The following LOC400499 variants were observed in gnomAD, a reference collection of about 807,000 sequenced individuals.
the LOC400499 span, chr16:11,487,170 G>C: frequency 5.0e-6 from 2 of 398,280 alleles, no homozygotes; most frequent in Non-Finnish European, 8.8e-6. Context: ...GGAGGCAAGG[G>C]ATGGATGGAC....
chr16:11,453,551 AC>A, the LOC400499 span, among the ~76,000 whole-genome samples: 1 of 152,218 alleles, frequency 6.6e-6, no homozygotes, highest in Non-Finnish European at 1.5e-5. Flanking sequence ...AACAACAACA[AC>A]AAAAAAGAGC....
At chr16:11,462,518 C>G in the LOC400499 span, 1 of 788,240 alleles carries the variant, frequency 1.3e-6, no homozygotes. Flanking sequence ...CAACCTCCAC[C>G]TCCTGGGTTC....
At chr16:11,425,247 GCC>G in the LOC400499 span, 2 of 398,906 alleles carry the variant, frequency 5.0e-6, no homozygotes, top group Non-Finnish European at 8.8e-6. Flanking sequence ...GCTGGCCTGG[GCC>G]CTCAGGTTCC....
chr16:11,399,034 C>T, the LOC400499 span, among the ~76,000 whole-genome samples: 3 of 152,150 alleles, frequency 2.0e-5, no homozygotes, highest in African/African-American at 7.2e-5. Flanking sequence ...AAGGGGCTTC[C>T]AGGGCCAGCT....
the LOC400499 span, chr16:11,393,704 G>A: frequency 1.0e-5 from 6 of 586,112 alleles, no homozygotes; most frequent in African/African-American, 1.9e-5. Context: ...CAATGCCCAC[G>A]CCCGATCTCC....
At chr16:11,490,191 T>C in the LOC400499 span, among the ~76,000 whole-genome samples, 3 of 150,174 alleles carry the variant, frequency 2.0e-5, no homozygotes, top group African/African-American at 7.4e-5. Context: ...AGGTCAGGAG[T>C]TCGAGACCAG....
the LOC400499 span, among the ~76,000 whole-genome samples, chr16:11,466,736 G>C: frequency 6.6e-6 from 1 of 152,092 alleles, no homozygotes; most frequent in Non-Finnish European, 1.5e-5. Context: ...CCATATGGGA[G>C]AGTCAGTTCT....
the LOC400499 span, chr16:11,383,943 G>A: frequency 5.8e-4 from 714 of 1,231,928 alleles, 4 homozygotes; most frequent in South Asian, 7.2e-3. Context: ...CCCAGCAGGC[G>A]GGGAGCTGTC....
chr16:11,390,879 G>A, the LOC400499 span, among the ~76,000 whole-genome samples: 71 of 152,322 alleles, frequency 4.7e-4, no homozygotes, highest in Non-Finnish European at 8.2e-4. Flanking sequence ...TCTCCCAGGA[G>A]CTGCTCTGGT....
At chr16:11,482,655 C>G in the LOC400499 span, among the ~76,000 whole-genome samples, 1 of 152,076 alleles carries the variant, frequency 6.6e-6, no homozygotes, top group African/African-American at 2.4e-5. Flanking sequence ...CTTTGGGAGG[C>G]TGAGGCAGGA....
chr16:11,388,186 C>T, the LOC400499 span, among the ~76,000 whole-genome samples: 5 of 152,108 alleles, frequency 3.3e-5, no homozygotes, highest in African/African-American at 1.2e-4. Context: ...CTCTCTGCCA[C>T]CTGAATCCAT....
chr16:11,498,815 T>C, the LOC400499 span, among the ~76,000 whole-genome samples: 2 of 151,604 alleles, frequency 1.3e-5, no homozygotes, highest in Non-Finnish European at 2.9e-5. Flanking sequence ...CCCAGACTAA[T>C]GGCAACAGCC....
chr16:11,377,507 T>C, the LOC400499 span, among the ~76,000 whole-genome samples: 1 of 152,266 alleles, frequency 6.6e-6, no homozygotes, highest in African/African-American at 2.4e-5. Context: ...TCTGTATGTT[T>C]TTAATCACGA....
At chr16:11,412,654 G>A in the LOC400499 span, among the ~76,000 whole-genome samples, 2 of 152,198 alleles carry the variant, frequency 1.3e-5, no homozygotes, top group African/African-American at 4.8e-5. Flanking sequence ...TGCCTGGAGA[G>A]GATGAGGGAT....
the LOC400499 span, chr16:11,393,277 A>C: frequency 7.4e-6 from 6 of 808,202 alleles, no homozygotes. Context: ...TACAGGTATG[A>C]GCCCCTGCAC....
At chr16:11,434,327 GC>G in the LOC400499 span, among the ~76,000 whole-genome samples, 4 of 152,178 alleles carry the variant, frequency 2.6e-5, no homozygotes. Flanking sequence ...TTCAAGACCA[GC>G]CTGAGCAACA....
At chr16:11,440,378 G>A in the LOC400499 span, among the ~76,000 whole-genome samples, 1 of 152,178 alleles carries the variant, frequency 6.6e-6, no homozygotes, top group African/African-American at 2.4e-5. Context: ...TATGGGTCTG[G>A]CACATAAAAG....
the LOC400499 span, among the ~76,000 whole-genome samples, chr16:11,445,337 C>A: frequency 6.6e-6 from 1 of 151,878 alleles, no homozygotes; most frequent in African/African-American, 2.4e-5. Context: ...AGAAGAATCA[C>A]TTGAACCTGG....
At chr16:11,398,520 A>G in the LOC400499 span, 1 of 1,232,060 alleles carries the variant, frequency 8.1e-7, no homozygotes. Context: ...CTGGAATGAG[A>G]GGGCCTATGG....
Sources: gnomAD v4.1 joint callset for allele counts (sites outside exome capture counted in the v4.1 genomes callset) on GRCh38, gnomAD v4.1.1 for gene constraint, MANE v1.5 for transcripts.